The following C2CD2 variants were observed in gnomAD, a reference collection of about 807,000 sequenced individuals.
C2CD2 encodes the protein C2 calcium dependent domain containing 2, also known as C2 domain-containing protein 2.
In C2CD2, 43 loss-of-function variants were observed where a neutral mutation model predicts 74.3. That is an observed-to-expected ratio of 0.58 (90% CI 0.45 to 0.75). The LOEUF (loss-of-function observed/expected upper bound fraction) is 0.75. Ranked by LOEUF, C2CD2 falls within the 30% of genes least tolerant of loss-of-function variation. C2CD2 has a pLI of 0.00. For synonymous variants in C2CD2, 422 were observed against 390.7 expected, an observed-to-expected ratio of 1.08 and a Z score of -0.94; for missense variants, 801 against 916.3, an observed-to-expected ratio of 0.87 and a Z score of 1.63.
chr21:41,912,388 G>C lies in C2CD2; in HGVS notation c.897C>G (p.Phe299Leu). Residue 299 changes from phenylalanine to leucine, a missense_variant, in exon 7 of 14, where the codon TTC (phenylalanine) becomes TTG (leucine). Coordinates refer to ENST00000380486, the MANE Select transcript of C2CD2 (RefSeq NM_015500.2). ...VVQLNDPVQR[F>L]SSTLTKNTPD... ...GAGTGTTTTTCGTCAGGGTGCTGGA[G>C]AACCTCTGAACAGGATCGTTCAGCT... 6.2e-7 allele frequency: 1 copy of C among 1,612,870 alleles called. No homozygotes were observed. Among genetic ancestry groups the C allele is most frequent in the Non-Finnish European group, 8.5e-7 (1 of 1,179,818 alleles).
intron 13 of C2CD2, among the ~76,000 whole-genome samples, chr21:41,891,086 G>C (rs564533683): frequency 6.6e-6 from 1 of 152,092 alleles, no homozygotes; most frequent in East Asian, 1.9e-4. Flanking sequence ...AAAGTTAGGA[G>C]CCTGTGTGCA....
chr21:41,951,445 C>T (rs1008254958), intron 1 of C2CD2, among the ~76,000 whole-genome samples: 4 of 144,950 alleles, frequency 2.8e-5, no homozygotes, highest in African/African-American at 1.0e-4. Flanking sequence ...CCAGAGATGG[C>T]CCTGGGTTGC....
At chr21:41,935,355 G>C (rs146548202) in intron 2 of C2CD2, among the ~76,000 whole-genome samples, 1,649 of 152,322 alleles carry the variant, frequency 0.011, 25 homozygotes, top group African/African-American at 0.037. Context: ...ACCAGTTCAT[G>C]CAACTACTGT....
At chr21:41,952,774 G>C (rs770553807) in intron 1 of C2CD2, among the ~76,000 whole-genome samples, 1 of 152,188 alleles carries the variant, frequency 6.6e-6, no homozygotes, top group Non-Finnish European at 1.5e-5. Flanking sequence ...TCCGGGCCTT[G>C]GTTTCCTCAT....
At chr21:41,931,447 G>T (rs1375627479) in intron 2 of C2CD2, among the ~76,000 whole-genome samples, 4 of 135,050 alleles carry the variant, frequency 3.0e-5, no homozygotes, top group African/African-American at 1.1e-4. Context: ...TTTTTGAGAC[G>T]GAGTCTTGCT....
chr21:41,909,585 T>TA, intron 7 of C2CD2, 62 bp from the exon 8 acceptor site: 1 of 1,104,878 alleles, frequency 9.1e-7, no homozygotes, highest in Non-Finnish European at 1.4e-6. Context: ...TTTTATGAAA[T>TA]AGAGTGTTTT....
chr21:41,951,041 G>A (rs1453505474), intron 1 of C2CD2, among the ~76,000 whole-genome samples: 1 of 152,158 alleles, frequency 6.6e-6, no homozygotes, highest in Non-Finnish European at 1.5e-5. Context: ...TAGTGGGAAT[G>A]GAGGTGGGGG....
At chr21:41,948,872 T>C (rs1038697233) in intron 1 of C2CD2, among the ~76,000 whole-genome samples, 2 of 101,956 alleles carry the variant, frequency 2.0e-5, no homozygotes, top group African/African-American at 9.9e-5. Context: ...CACAGCATCT[T>C]TTTTTTTTTT....
At chr21:41,931,114 G>T (rs2146212584) in intron 2 of C2CD2, among the ~76,000 whole-genome samples, 1 of 150,756 alleles carries the variant, frequency 6.6e-6, no homozygotes, top group South Asian at 2.1e-4. Flanking sequence ...CTCGGTGCAT[G>T]TTGGGACTAG....
intron 1 of C2CD2, among the ~76,000 whole-genome samples, chr21:41,944,294 C>T (rs1418055239): frequency 1.3e-5 from 2 of 152,042 alleles, no homozygotes; most frequent in African/African-American, 4.8e-5. Context: ...GGACGGATCA[C>T]GAGGTCAGGC....
At chr21:41,904,855 C>T (rs964636593) in intron 11 of C2CD2, among the ~76,000 whole-genome samples, 1 of 152,162 alleles carries the variant, frequency 6.6e-6, no homozygotes, top group Non-Finnish European at 1.5e-5. Context: ...GAGCAGGTCA[C>T]GAGGAGGCAA....
intron 2 of C2CD2, among the ~76,000 whole-genome samples, chr21:41,937,449 G>A (rs2065318394): frequency 1.3e-5 from 2 of 152,210 alleles, no homozygotes; most frequent in Non-Finnish European, 2.9e-5. Flanking sequence ...TAAGAATAGA[G>A]TATATAATAC....
At chr21:41,934,919 T>C (rs1236383016) in intron 2 of C2CD2, among the ~76,000 whole-genome samples, 1 of 151,712 alleles carries the variant, frequency 6.6e-6, no homozygotes, top group African/African-American at 2.4e-5. Context: ...CCGAGTAGAG[T>C]CTGGCTTTGT....
At chr21:41,907,842 G>C in intron 8 of C2CD2, 58 bp from the exon 9 acceptor site, 1 of 1,601,854 alleles carries the variant, frequency 6.2e-7, no homozygotes, top group Non-Finnish European at 8.5e-7. Context: ...CTTCCGTGAG[G>C]ACGGAAAGGC....
At position 41,926,222 on chromosome 21, in the gene C2CD2, T is replaced by TC. The variant is rs2065210441; in HGVS notation, c.379-4138_379-4137insG. Among the ~76,000 whole-genome samples the TC allele has an allele frequency of 6.6e-6, 1 of 152,206 alleles. No homozygotes were observed. Among genetic ancestry groups the TC allele is most frequent in the Non-Finnish European group, 1.5e-5 (1 of 68,044 alleles). On this transcript the variant is annotated intron_variant, in intron 2 of 13. Coordinates refer to ENST00000380486, the MANE Select transcript of C2CD2 (RefSeq NM_015500.2). This position sits in a 1 kb window ranked among gnomAD's most constrained non-coding sequence, Gnocchi z 8.0. The stretch of plus-strand genomic sequence containing the variant: ...AACCTGCATTTTTTTGACATTTTTT[T>TC]TCCCCAAAACAAGCAAAGATTATTT...
At chr21:41,948,868 A>ATGTTTTT (rs1569085046) in intron 1 of C2CD2, among the ~76,000 whole-genome samples, 1 of 31,078 alleles carries the variant, frequency 3.2e-5, no homozygotes, top group Non-Finnish European at 1.2e-4. Flanking sequence ...TCCACACAGC[A>ATGTTTTT]TCTTTTTTTT....
intron 3 of C2CD2, among the ~76,000 whole-genome samples, chr21:41,921,196 T>C (rs1022705978): frequency 1.3e-5 from 2 of 152,028 alleles, no homozygotes; most frequent in Non-Finnish European, 2.9e-5. Context: ...CTTGAGCTCA[T>C]CCCCCAAATT....
In C2CD2 at chr21:41,909,522, C is replaced by T. The variant is rs754362711; in HGVS notation, c.955G>A (p.Glu319Lys). ...DLMWEEEFTF[E>K]LNAKSKELHL... Reference sequence around the variant, plus strand: ...AACTCCTTCGACTTGGCATTCAACTCGCTTTGGAAGAGAAACAAGTTATGA... The same window carrying T: ...AACTCCTTCGACTTGGCATTCAACTTGCTTTGGAAGAGAAACAAGTTATGA... Residue 319 changes from glutamate (E) to lysine (K), a missense_variant and splice_region_variant, in exon 8 of 14, where the codon GAG becomes AAG. Physicochemically the swap from Glu to Lys is moderately conservative, Grantham distance 56. Coordinates refer to ENST00000380486, the MANE Select transcript of C2CD2 (RefSeq NM_015500.2). The T allele has an allele frequency of 2.5e-5, 40 of 1,610,036 alleles. 1 individual carries two copies. The Admixed American group carries it at 5.8e-4, about 23-fold the overall frequency.
chr21:41,928,494 A>G (rs1315949744), intron 2 of C2CD2, among the ~76,000 whole-genome samples: 1 of 150,004 alleles, frequency 6.7e-6, no homozygotes, highest in African/African-American at 2.5e-5. Context: ...ATTTTAGCAT[A>G]AATTCCAGGT....
Sources: allele counts gnomAD v4.1 joint callset (sites outside exome capture counted in the v4.1 genomes callset), GRCh38; gene constraint gnomAD v4.1.1; non-coding constraint Gnocchi (gnomAD v3.1); transcripts MANE v1.5; gene names NCBI Gene and HGNC (gene_info 2026-07-23, HGNC 2026-07-21).